Variants in ZNF804B observed in about 807,000 individuals in gnomAD.
ZNF804B encodes zinc finger protein 804B.
In ZNF804B, 80 loss-of-function variants were observed where a neutral mutation model predicts 101.4. The observed-to-expected ratio is 0.79, with a 90% confidence interval of 0.66 to 0.95. ZNF804B has a LOEUF of 0.95. ZNF804B is among the 40% of genes least tolerant of loss of function. The pLI, the probability that ZNF804B is intolerant of heterozygous loss-of-function variation, is 0.00. For missense variants in ZNF804B, 1,673 were observed against 1,561.9 expected (o/e 1.07, Z -1.20); for synonymous variants, 622 against 558.8 (o/e 1.11, Z -1.59).
chr7:89,151,828 C>G (rs1235167075), intron 1 of ZNF804B, among the ~76,000 whole-genome samples: 1 of 151,958 alleles, frequency 6.6e-6, no homozygotes, highest in East Asian at 1.9e-4. Flanking sequence ...CATGAAAATT[C>G]ACACTCATAG....
intron 1 of ZNF804B, among the ~76,000 whole-genome samples, chr7:88,976,055 C>A (rs1793612096): frequency 6.6e-6 from 1 of 151,408 alleles, no homozygotes; most frequent in Non-Finnish European, 1.5e-5. Flanking sequence ...GTTCTTGGTA[C>A]CTTTGTTGAA....
chr7:89,021,968 G>A (rs1788674691), intron 1 of ZNF804B, among the ~76,000 whole-genome samples: 1 of 152,296 alleles, frequency 6.6e-6, no homozygotes, highest in East Asian at 1.9e-4. Flanking sequence ...ACTGGGCTCA[G>A]GGCTTTCAAG....
intron 1 of ZNF804B, among the ~76,000 whole-genome samples, chr7:89,016,884 G>A (rs1812894408): frequency 1.3e-5 from 2 of 152,192 alleles, no homozygotes; most frequent in African/African-American, 4.8e-5. Context: ...AAAGTCATTG[G>A]TAGCTTGATG....
intron 1 of ZNF804B, among the ~76,000 whole-genome samples, chr7:89,180,757 C>G (rs1420037539): frequency 6.6e-6 from 1 of 151,158 alleles, no homozygotes; most frequent in East Asian, 1.9e-4. Flanking sequence ...GATGCAAGCA[C>G]TCTCCTGGCT....
chr7:88,877,423 A>G (rs1053362098), intron 1 of ZNF804B, among the ~76,000 whole-genome samples: 1 of 152,100 alleles, frequency 6.6e-6, no homozygotes, highest in African/African-American at 2.4e-5. Flanking sequence ...TTATATTAAA[A>G]GAGATGAAAT....
chr7:89,194,905 G>A lies in ZNF804B; in HGVS notation c.109-23250G>A, dbSNP rs1474807142. ...TTGAATCTATAAATTACCTTGGGCA[G>A]TATGGCCATTTTCATGATATTGATT... On this transcript the variant is annotated intron_variant, in intron 1 of 3. Transcript: ENST00000333190. 1.8e-4 allele frequency among the ~76,000 whole-genome samples: 28 copies of A among 152,064 alleles called. 1 individual carries two copies.
chr7:88,873,616 G>A (rs1446880077), intron 1 of ZNF804B, among the ~76,000 whole-genome samples: 6 of 152,302 alleles, frequency 3.9e-5, no homozygotes, highest in African/African-American at 7.2e-5. Context: ...GAATGTTTAA[G>A]TCTTTAATCC....
intron 1 of ZNF804B, among the ~76,000 whole-genome samples, chr7:89,171,623 A>T: frequency 6.6e-6 from 1 of 151,810 alleles, no homozygotes; most frequent in East Asian, 2.0e-4. Flanking sequence ...TTAGTAGAAA[A>T]TGGGTTTCAC....
At chr7:89,328,942 G>A (rs1457518648) in intron 3 of ZNF804B, among the ~76,000 whole-genome samples, 1 of 151,702 alleles carries the variant, frequency 6.6e-6, no homozygotes, top group East Asian at 1.9e-4. Flanking sequence ...GATGGCAGTG[G>A]TCATGGTGAT....
chr7:89,137,152 G>A (rs1790649196), intron 1 of ZNF804B, among the ~76,000 whole-genome samples: 1 of 152,084 alleles, frequency 6.6e-6, no homozygotes, highest in South Asian at 2.1e-4. Flanking sequence ...GGGTGTTGTT[G>A]AAAAGATACA....
At chr7:89,011,916 T>G (rs1363927989) in intron 1 of ZNF804B, among the ~76,000 whole-genome samples, 1 of 152,102 alleles carries the variant, frequency 6.6e-6, no homozygotes, top group Non-Finnish European at 1.5e-5. Flanking sequence ...GGGGACACTG[T>G]GGGGGATCAA....
chr7:89,079,299 G>T (rs1179566771), intron 1 of ZNF804B, among the ~76,000 whole-genome samples: 2 of 151,896 alleles, frequency 1.3e-5, no homozygotes, highest in Non-Finnish European at 2.9e-5. Context: ...CAGCCTCTAG[G>T]CTAAATGTTT....
intron 1 of ZNF804B, among the ~76,000 whole-genome samples, chr7:88,923,096 T>C (rs1387158195): frequency 6.6e-6 from 1 of 152,132 alleles, no homozygotes; most frequent in Non-Finnish European, 1.5e-5. Context: ...AGAATTTCAT[T>C]ACTGGCATCT....
chr7:88,779,219 A>C (rs1378981004), intron 1 of ZNF804B, among the ~76,000 whole-genome samples: 1 of 152,210 alleles, frequency 6.6e-6, no homozygotes. Flanking sequence ...AGGCCCCCAC[A>C]CTAGACTTAA....
intron 1 of ZNF804B, among the ~76,000 whole-genome samples, chr7:88,911,411 A>C (rs994978107): frequency 6.7e-6 from 1 of 149,568 alleles, no homozygotes; most frequent in Non-Finnish European, 1.5e-5. Flanking sequence ...TGTATATATC[A>C]TTATATAAGT....
rs116044535 is a variant in ZNF804B at position 88,997,305 on chromosome 7, T to A, written c.109-220850T>A. Among the ~76,000 whole-genome samples, 472 of 152,222 alleles carry A rather than the reference T, an allele frequency of 3.1e-3. 8 individuals are homozygous for A. The highest frequency in any genetic ancestry group is 0.011 in the African/African-American group (452 of 41,568). ...TACATCCAGACAATAAGGGATGTGGTTGAATTTCAAAAGTTTTCTAACTTA... is the reference window on the plus strand; with the variant it reads ...TACATCCAGACAATAAGGGATGTGGATGAATTTCAAAAGTTTTCTAACTTA... On this transcript the variant is annotated intron_variant, in intron 1 of 3. Coordinates refer to ENST00000333190, the MANE Select transcript of ZNF804B (RefSeq NM_181646.5).
At chr7:88,826,210 T>G (rs1791048785) in intron 1 of ZNF804B, among the ~76,000 whole-genome samples, 1 of 152,192 alleles carries the variant, frequency 6.6e-6, no homozygotes, top group Non-Finnish European at 1.5e-5. Context: ...TTCTAAAAAA[T>G]GTTCTACAAC....
At chr7:89,265,234 A>T (rs1426213500) in intron 2 of ZNF804B, among the ~76,000 whole-genome samples, 1 of 151,954 alleles carries the variant, frequency 6.6e-6, no homozygotes, top group Non-Finnish European at 1.5e-5. Flanking sequence ...GTTATCCATG[A>T]TCTTAGATTA....
At chr7:88,974,961 C>G (rs922564950) in intron 1 of ZNF804B, among the ~76,000 whole-genome samples, 5 of 151,466 alleles carry the variant, frequency 3.3e-5, no homozygotes, top group South Asian at 4.1e-4. Context: ...AACCATCACT[C>G]TACTCTCTAC....
Sources: allele counts gnomAD v4.1 joint callset (sites outside exome capture counted in the v4.1 genomes callset), GRCh38; gene constraint gnomAD v4.1.1; transcripts MANE v1.5; gene names NCBI Gene and HGNC (gene_info 2026-07-23, HGNC 2026-07-21).